LPGAT1: variants seen among roughly 807,000 people sequenced by gnomAD.
LPGAT1 encodes lysophosphatidylglycerol acyltransferase 1, also known as acyl-CoA:lysophosphatidylglycerol acyltransferase 1.
LPGAT1 carries 11 observed loss-of-function variants against 47.5 expected under a neutral mutation model. The observed-to-expected ratio is 0.23, with a 90% CI of 0.15 to 0.38. The LOEUF (loss-of-function observed/expected upper bound fraction) is 0.38. Among genes scored for constraint, LPGAT1 ranks in the 10% least tolerant of loss-of-function variants. The probability of loss-of-function intolerance (pLI) is 1.00; values close to 1 mark genes in which losing one functional copy is unlikely to be tolerated. For synonymous variants in LPGAT1, 138 were observed against 144.2 expected (o/e 0.96, Z 0.31); for missense variants, 293 against 439.0 (o/e 0.67, Z 2.97).
At chr1:211,757,832 T>C (rs1427369357) in intron 6 of LPGAT1, among the ~76,000 whole-genome samples, 4 of 152,222 alleles carry the variant, frequency 2.6e-5, no homozygotes, top group African/African-American at 4.8e-5. Context: ...GAAATGCTCA[T>C]GTTAGAAAAG....
intron 5 of LPGAT1, among the ~76,000 whole-genome samples, chr1:211,782,793 A>G (rs973568603): frequency 6.6e-6 from 1 of 152,156 alleles, no homozygotes; most frequent in African/African-American, 2.4e-5. Context: ...AGAAAACCAA[A>G]AAGCTTTCTC....
intron 6 of LPGAT1, among the ~76,000 whole-genome samples, chr1:211,770,172 T>C (rs1456866899): frequency 1.3e-5 from 2 of 152,214 alleles, no homozygotes; most frequent in Non-Finnish European, 2.9e-5. Context: ...TTGTTACTCT[T>C]ACAAAATATC....
At chr1:211,775,750 G>A (rs1658371326) in intron 6 of LPGAT1, among the ~76,000 whole-genome samples, 1 of 151,928 alleles carries the variant, frequency 6.6e-6, no homozygotes, top group Non-Finnish European at 1.5e-5. Context: ...CCAACATGGA[G>A]AAACTCCATC....
At position 211,771,247 on chromosome 1, in the gene LPGAT1, C is replaced by T. The variant is rs1658156564; in HGVS notation, c.854+7671G>A. ...AGGTCTGCAGCCTAGAAGCAAAAGG[C>T]TATGCCATATAGCCTAGGTGTGTAG... On this transcript the variant is annotated intron_variant, in intron 6 of 7. Transcript: ENST00000366997. Among the ~76,000 whole-genome samples, 3 of 152,242 alleles carry T rather than the reference C, an allele frequency of 2.0e-5. No individual in the cohort carries two copies. In the South Asian group the frequency reaches 6.2e-4, roughly 32 times the overall value.
At chr1:211,775,553 T>C (rs1253057483) in intron 6 of LPGAT1, among the ~76,000 whole-genome samples, 2 of 152,148 alleles carry the variant, frequency 1.3e-5, no homozygotes, top group African/African-American at 4.8e-5. Context: ...ATCTCAAATA[T>C]ATAGAAACTT....
intron 6 of LPGAT1, among the ~76,000 whole-genome samples, chr1:211,767,223 C>T (rs1257969398): frequency 1.3e-5 from 2 of 152,208 alleles, no homozygotes; most frequent in Non-Finnish European, 2.9e-5. Context: ...ACTGCAACCT[C>T]TGCCTCCTGG....
intron 3 of LPGAT1, among the ~76,000 whole-genome samples, chr1:211,788,374 C>A (rs1284204197): frequency 6.6e-6 from 1 of 152,026 alleles, no homozygotes; most frequent in Non-Finnish European, 1.5e-5. Flanking sequence ...GACTTTCTTT[C>A]ACGCAAATTT....
chr1:211,804,656 A>G lies in LPGAT1; in HGVS notation c.239-11466T>C, dbSNP rs185169867. On this transcript the variant is annotated intron_variant, in intron 2 of 7. Coordinates refer to ENST00000366997, the MANE Select transcript of LPGAT1 (RefSeq NM_014873.3). Reference sequence around the variant, plus strand: ...AATTGGCTGTCATTATTCTCCCACAATATGATTTTTAATGGCCACATAATA... The same window carrying G: ...AATTGGCTGTCATTATTCTCCCACAGTATGATTTTTAATGGCCACATAATA... Among the ~76,000 whole-genome samples, 51 of 152,318 alleles carry G rather than the reference A, an allele frequency of 3.3e-4. No homozygotes were observed. In the East Asian group the frequency reaches 8.5e-3, roughly 25 times the overall value.
At chr1:211,813,105 A>G (rs534680483) in intron 2 of LPGAT1, among the ~76,000 whole-genome samples, 10 of 152,230 alleles carry the variant, frequency 6.6e-5, no homozygotes, top group Admixed American at 2.6e-4. Flanking sequence ...TAAAAGAATT[A>G]AAAAATTTTT....
chr1:211,744,678 A>G lies in LPGAT1; in HGVS notation c.*5221T>C, dbSNP rs1656870554. ...TATCTTATTATTTGTTAATTGTGTT[A>G]TATGTTCTTGCTATCAGCAAAATTT... On this transcript the variant is annotated 3_prime_UTR_variant, in exon 8 of 8. Coordinates refer to ENST00000366997, the MANE Select transcript of LPGAT1 (RefSeq NM_014873.3). The G allele has an allele frequency of 6.6e-6, 1 of 152,248 alleles. No homozygotes were observed. Among genetic ancestry groups the G allele is most frequent in the Admixed American group, 6.5e-5 (1 of 15,286 alleles). The allele number at this position is 152,248 out of a possible 1,614,324, so 9.4% of individuals were successfully genotyped here.
At chr1:211,784,121 T>C (rs567838628) in intron 4 of LPGAT1, among the ~76,000 whole-genome samples, 54 of 152,204 alleles carry the variant, frequency 3.5e-4, no homozygotes, top group African/African-American at 1.3e-3. Context: ...CCAAGGCCAG[T>C]GTGGCTGAAG....
Position 211,747,178 on chromosome 1 carries a change from A to G in LPGAT1, c.*2721T>C, listed in dbSNP as rs893986962. 6.6e-6 allele frequency: 1 copy of G among 152,210 alleles called. No homozygotes were observed. The highest frequency in any genetic ancestry group is 2.4e-5 in the African/African-American group (1 of 41,454). The allele number at this position is 152,210 out of a possible 1,614,324, so 9.4% of individuals were successfully genotyped here. ...TATTGCTGCTTCCCCAGATTGCCAT[A>G]TAAGAATACTGATTCTCTCTTTACC... is the stretch of plus-strand genomic sequence containing the variant. On this transcript the variant is annotated 3_prime_UTR_variant, in exon 8 of 8. Coordinates refer to ENST00000366997, the MANE Select transcript of LPGAT1 (RefSeq NM_014873.3).
chr1:211,768,435 T>C (rs866494550), intron 6 of LPGAT1, among the ~76,000 whole-genome samples: 1 of 152,238 alleles, frequency 6.6e-6, no homozygotes, highest in African/African-American at 2.4e-5. Flanking sequence ...CTGTCAACAG[T>C]TGAGCTCTAA....
intron 6 of LPGAT1, among the ~76,000 whole-genome samples, chr1:211,755,869 TA>T (rs1377813336): frequency 1.3e-5 from 2 of 152,212 alleles, no homozygotes; most frequent in Non-Finnish European, 2.9e-5. Flanking sequence ...AGCAGTAATA[TA>T]AAAGCGTTTT....
intron 2 of LPGAT1, among the ~76,000 whole-genome samples, chr1:211,825,764 G>T (rs930069654): frequency 2.7e-4 from 41 of 152,184 alleles, no homozygotes; most frequent in Admixed American, 2.4e-3. Context: ...TTTGAGACCA[G>T]CCTGGCCAAC....
chr1:211,797,860 T>C (rs1000402366), intron 2 of LPGAT1, among the ~76,000 whole-genome samples: 10 of 152,154 alleles, frequency 6.6e-5, no homozygotes, highest in African/African-American at 2.2e-4. Context: ...AAAGGACAAC[T>C]GAATAAAAAC....
chr1:211,804,036 G>A (rs930881247), intron 2 of LPGAT1, among the ~76,000 whole-genome samples: 3 of 152,118 alleles, frequency 2.0e-5, no homozygotes, highest in African/African-American at 7.2e-5. Flanking sequence ...TGGGATTACA[G>A]GCGTGAGCCA....
At chr1:211,758,354 T>C (rs1657550325) in intron 6 of LPGAT1, among the ~76,000 whole-genome samples, 1 of 152,212 alleles carries the variant, frequency 6.6e-6, no homozygotes, top group Non-Finnish European at 1.5e-5. Context: ...AATTTTGTTT[T>C]TACCTTTCCT....
chr1:211,795,563 C>G (rs61828469), intron 2 of LPGAT1, among the ~76,000 whole-genome samples: 18,111 of 152,172 alleles, frequency 0.12, 1,276 homozygotes, highest in Non-Finnish European at 0.15. Context: ...GACGGGGTTT[C>G]TCCATGTTGG....
Sources: allele counts gnomAD v4.1 joint callset (sites outside exome capture counted in the v4.1 genomes callset), GRCh38; gene constraint gnomAD v4.1.1; transcripts MANE v1.5; gene names NCBI Gene and HGNC (gene_info 2026-07-23, HGNC 2026-07-21).